TTC28: variants seen among roughly 807,000 people sequenced by gnomAD.
The protein encoded by TTC28 is tetratricopeptide repeat protein 28.
TTC28 carries 61 observed loss-of-function variants against 198.0 expected under a neutral mutation model. The observed-to-expected ratio is 0.31, with a 90% CI of 0.25 to 0.38. TTC28 has a LOEUF of 0.38. Ranked by LOEUF, TTC28 falls within the 10% of genes least tolerant of loss-of-function variation. The probability of loss-of-function intolerance (pLI) is 1.00; values close to 1 mark genes in which losing one functional copy is unlikely to be tolerated. For synonymous variants in TTC28, 1,171 were observed against 1,297.8 expected, an observed-to-expected ratio of 0.90 and a Z score of 2.10; for missense variants, 2,678 against 3,164.0, an observed-to-expected ratio of 0.85 and a Z score of 3.69.
chr22:28,441,916 T>A (rs16986431), intron 2 of TTC28, among the ~76,000 whole-genome samples: 3 of 148,292 alleles, frequency 2.0e-5, no homozygotes, highest in African/African-American at 7.4e-5. Context: ...AGGCCTGTTA[T>A]GCAGTGAACA....
intron 7 of TTC28, among the ~76,000 whole-genome samples, chr22:28,106,311 G>C (rs1039170850): frequency 3.3e-5 from 5 of 152,030 alleles, no homozygotes; most frequent in African/African-American, 1.2e-4. Context: ...GCACCTTCTT[G>C]GGTTCCCCAC....
rs1240048876 is a variant in TTC28 at position 27,998,559 on chromosome 22, C to T, written c.5100G>A (p.Ser1700=). 7.7e-6 allele frequency: 12 copies of T among 1,549,954 alleles called. No individual in the cohort carries two copies. Among genetic ancestry groups the T allele is most frequent in the Middle Eastern group, 1.7e-4 (1 of 6,010 alleles). Residue 1700 remains serine (S), a synonymous_variant, in exon 16 of 23, where the codon TCG becomes TCA. Transcript: ENST00000397906. The part of the protein sequence containing the change: ...MKVVQSSKAF[S]HPSNWAGFML... Reference sequence around the variant, plus strand: ...TCCCACCTGCCCAGTTGGAGGGGTGCGAGAAGGCCTTGCTGCTCTGCACCA... The same window carrying T: ...TCCCACCTGCCCAGTTGGAGGGGTGTGAGAAGGCCTTGCTGCTCTGCACCA...
At chr22:28,609,358 T>G (rs2050781871) in intron 2 of TTC28, among the ~76,000 whole-genome samples, 1 of 152,202 alleles carries the variant, frequency 6.6e-6, no homozygotes, top group South Asian at 2.1e-4. Context: ...GGCAGGTGAT[T>G]TCTGCATTTC....
chr22:28,588,219 T>C (rs1041678288), intron 2 of TTC28, among the ~76,000 whole-genome samples: 4 of 151,816 alleles, frequency 2.6e-5, no homozygotes, highest in East Asian at 3.9e-4. Flanking sequence ...TTTAAAAATA[T>C]ATATAAAGCT....
At chr22:28,528,994 T>C (rs910672457) in intron 2 of TTC28, among the ~76,000 whole-genome samples, 1 of 152,166 alleles carries the variant, frequency 6.6e-6, no homozygotes, top group Non-Finnish European at 1.5e-5. Flanking sequence ...CAGCCCCCAG[T>C]GTGAGTGACA....
intron 2 of TTC28, among the ~76,000 whole-genome samples, chr22:28,585,464 G>C (rs549754929): frequency 2.0e-5 from 3 of 152,274 alleles, no homozygotes; most frequent in African/African-American, 7.2e-5. Context: ...CTGCTGATCT[G>C]ACAGGAGGCA....
chr22:28,410,626 T>C (rs2047066402), intron 2 of TTC28, among the ~76,000 whole-genome samples: 1 of 152,104 alleles, frequency 6.6e-6, no homozygotes, highest in Non-Finnish European at 1.5e-5. Context: ...TCAGAAAGAA[T>C]GAGGTCATTC....
intron 1 of TTC28, among the ~76,000 whole-genome samples, chr22:28,648,142 T>G (rs1164605273): frequency 6.8e-6 from 1 of 146,242 alleles, no homozygotes; most frequent in South Asian, 2.1e-4. Flanking sequence ...GAGAATGTCG[T>G]GAACCCAGGA....
At chr22:28,413,173 C>T (rs1353912471) in intron 2 of TTC28, among the ~76,000 whole-genome samples, 3 of 152,142 alleles carry the variant, frequency 2.0e-5, no homozygotes, top group Admixed American at 6.5e-5. Context: ...CGGTGCCTCA[C>T]GCCTGTAATT....
rs568728148 is a variant in TTC28, at chr22:28,380,240, G to C, written c.382-73597C>G. ...GTTAATATAGGTGAATAAACTCCAA[G>C]ATGAGCACATTTTAGGTCTAACTCA... On this transcript the variant is annotated intron_variant, in intron 2 of 22. Coordinates refer to ENST00000397906, the MANE Select transcript of TTC28 (RefSeq NM_001145418.2). Among the ~76,000 whole-genome samples, 3 of 152,134 alleles carry C rather than the reference G, an allele frequency of 2.0e-5. No homozygotes were observed. In the East Asian group the frequency reaches 5.8e-4, roughly 29 times the overall value.
At chr22:28,514,572 T>C (rs1199524140) in intron 2 of TTC28, among the ~76,000 whole-genome samples, 1 of 152,158 alleles carries the variant, frequency 6.6e-6, no homozygotes, top group African/African-American at 2.4e-5. Context: ...TTACACGGAG[T>C]GTTCACTCTT....
chr22:28,391,079 T>G (rs1434489293), intron 2 of TTC28, among the ~76,000 whole-genome samples: 2 of 152,044 alleles, frequency 1.3e-5, no homozygotes, highest in Non-Finnish European at 2.9e-5. Flanking sequence ...TGTAAAGGAT[T>G]TTATTTCTCC....
intron 5 of TTC28, among the ~76,000 whole-genome samples, chr22:28,253,375 C>A (rs1305521591): frequency 6.6e-6 from 1 of 152,074 alleles, no homozygotes; most frequent in East Asian, 1.9e-4. Flanking sequence ...ACAAAGACTG[C>A]AAATTGCCTA....
At chr22:28,247,953 CT>C (rs1296024984) in intron 5 of TTC28, among the ~76,000 whole-genome samples, 6 of 152,118 alleles carry the variant, frequency 3.9e-5, no homozygotes, top group Non-Finnish European at 8.8e-5. Flanking sequence ...AAAAAAATCC[CT>C]TTTAGAAGCA....
chr22:28,205,949 T>C (rs1332579537), intron 5 of TTC28, among the ~76,000 whole-genome samples: 6 of 151,674 alleles, frequency 4.0e-5, no homozygotes, highest in Non-Finnish European at 7.4e-5. Context: ...AAAAGGCTTA[T>C]TACAGGCCCC....
intron 5 of TTC28, among the ~76,000 whole-genome samples, chr22:28,199,383 T>TTTTATATA (rs1925678966): frequency 8.4e-6 from 1 of 118,528 alleles, no homozygotes; most frequent in Non-Finnish European, 1.7e-5. Context: ...ACATTAAAAA[T>TTTTATATA]TATATATATA....
intron 2 of TTC28, among the ~76,000 whole-genome samples, chr22:28,614,858 C>T (rs2050875790): frequency 6.6e-6 from 1 of 152,152 alleles, no homozygotes; most frequent in African/African-American, 2.4e-5. Context: ...AAAACCTAGG[C>T]AACAGCATTT....
intron 2 of TTC28, among the ~76,000 whole-genome samples, chr22:28,574,659 C>G (rs1402687888): frequency 6.6e-6 from 1 of 152,122 alleles, no homozygotes; most frequent in Non-Finnish European, 1.5e-5. Flanking sequence ...ATGCGAGTTC[C>G]CTTTTCTCCA....
chr22:28,179,420 A>C (rs1923490953), intron 5 of TTC28, among the ~76,000 whole-genome samples: 1 of 151,958 alleles, frequency 6.6e-6, no homozygotes. Flanking sequence ...TCGGCCTCCC[A>C]AAGTGTTGGG....
Sources: gnomAD v4.1 joint callset for allele counts (sites outside exome capture counted in the v4.1 genomes callset) on GRCh38, gnomAD v4.1.1 for gene constraint, MANE v1.5 for transcripts, NCBI Gene and HGNC (gene_info 2026-07-23, HGNC 2026-07-21) for gene names.